The following DNAAF1 variants were observed in gnomAD, a reference collection of about 807,000 sequenced individuals.
The protein encoded by DNAAF1 is dynein assembly factor 1, axonemal.
DNAAF1 carries 65 observed loss-of-function variants against 71.1 expected under a neutral mutation model. That is an observed-to-expected ratio of 0.91 (90% confidence interval 0.75 to 1.12). The LOEUF (loss-of-function observed/expected upper bound fraction) is 1.12. DNAAF1 is among the 50% of genes most tolerant of loss of function. The pLI is 0.00. For synonymous variants in DNAAF1, 414 were observed against 354.6 expected, an observed-to-expected ratio of 1.17 and a Z score of -1.88; for missense variants, 1,178 against 899.8, an observed-to-expected ratio of 1.31 and a Z score of -3.96.
chr16:84,150,961 G>A (rs2087154996), intron 3 of DNAAF1, among the ~76,000 whole-genome samples: 1 of 152,100 alleles, frequency 6.6e-6, no homozygotes, highest in Non-Finnish European at 1.5e-5. Flanking sequence ...AGTACTTTGG[G>A]GTTGGGAGGT....
At position 84,170,065 on chromosome 16, in the gene DNAAF1, G is replaced by C. The variant is rs760066805; in HGVS notation, c.1237G>C (p.Glu413Gln). ...AAGAGAGGATGGAGGTCCAGAGCCA[G>C]AGGGGACCCTCCCAGCTGAGACCCT... ...AKREDGGPEP[E>Q]GTLPAETLLL... Residue 413 changes from glutamate to glutamine, a missense_variant, in exon 8 of 12, where the codon GAG becomes CAG. Transcript: ENST00000378553. 6.2e-7 allele frequency: 1 copy of C among 1,613,640 alleles called. No individual in the cohort carries two copies. Among genetic ancestry groups the C allele is most frequent in the South Asian group, 1.1e-5 (1 of 91,068 alleles).
chr16:84,176,228 G>A lies in DNAAF1; in HGVS notation c.1994G>A (p.Cys665Tyr), dbSNP rs769986363. ...PSGQLLMPPT[C>Y]QRDAAPLTSS... is the part of the protein sequence containing the mutation. ...GGCCAGCTACTGATGCCCCCCACCTGCCAAAGAGATGCTGCACCACTCACT... is the reference window on the plus strand; with the variant it reads ...GGCCAGCTACTGATGCCCCCCACCTACCAAAGAGATGCTGCACCACTCACT... Residue 665 changes from cysteine to tyrosine, a missense_variant, in exon 11 of 12, where the codon TGC (cysteine) becomes TAC (tyrosine). Cys to Tyr is a radical substitution (Grantham distance 194). Coordinates refer to ENST00000378553, the MANE Select transcript of DNAAF1 (RefSeq NM_178452.6). 49 of 1,613,656 alleles carry A rather than the reference G, an allele frequency of 3.0e-5. No homozygotes were observed. Among genetic ancestry groups the A allele is most frequent in the Non-Finnish European group, 4.1e-5 (48 of 1,180,030 alleles).
At chr16:84,171,225 C>T (rs1019738629) in intron 8 of DNAAF1, among the ~76,000 whole-genome samples, 6 of 152,112 alleles carry the variant, frequency 3.9e-5, no homozygotes, top group East Asian at 1.9e-4. Flanking sequence ...TGCTTGAGGC[C>T]GGGAGTTCGA....
chr16:84,152,956 GAA>G (rs112416069), intron 3 of DNAAF1, among the ~76,000 whole-genome samples: 4 of 131,928 alleles, frequency 3.0e-5, no homozygotes, highest in Admixed American at 7.8e-5. Context: ...GACTCCATCT[GAA>G]AAAAAAAAAA....
At chr16:84,164,891 T>C (rs1282573152) in intron 6 of DNAAF1, among the ~76,000 whole-genome samples, 1 of 152,176 alleles carries the variant, frequency 6.6e-6, no homozygotes, top group Admixed American at 6.5e-5. Flanking sequence ...CTAGAACAAG[T>C]GAGCGTTGCC....
intron 7 of DNAAF1, among the ~76,000 whole-genome samples, chr16:84,168,827 T>TACACACACACACACAC (rs55903132): frequency 0.027 from 3,868 of 145,918 alleles, 67 homozygotes; most frequent in African/African-American, 0.03. Flanking sequence ...ATTTGCCACA[T>TACACACACACACACAC]ACACACACAC....
intron 9 of DNAAF1, chr16:84,173,643 G>C (rs923581569): frequency 2.3e-6 from 1 of 429,502 alleles, no homozygotes; most frequent in Non-Finnish European, 3.1e-6. Flanking sequence ...AGACCAGCCT[G>C]GCCAACATGG....
In DNAAF1 at chr16:84,165,928, CAGAG is replaced by C. The variant is rs1567555007; in HGVS notation, c.1016_1019del (p.Glu339ValfsTer7). ...GCAGCGGGCAGAGGAGAGGAAAAGACAGAGAGAGAGTCAAGAGAGAGGTATGCGC... is the reference window on the plus strand; with the variant it reads ...GCAGCGGGCAGAGGAGAGGAAAAGACAGAGAGTCAAGAGAGAGGTATGCGC... On this transcript the variant is annotated frameshift_variant, in exon 7 of 12. Transcript: ENST00000378553. LOFTEE classifies it high-confidence loss of function. 5 of 1,612,542 alleles carry C rather than the reference CAGAG, an allele frequency of 3.1e-6. No homozygotes were observed. The highest frequency in any genetic ancestry group is 1.1e-5 in the South Asian group (1 of 91,042).
At chr16:84,176,688 C>A in intron 11 of DNAAF1, 1 of 345,536 alleles carries the variant, frequency 2.9e-6, no homozygotes, top group Non-Finnish European at 5.7e-6. Context: ...ACCACCAACA[C>A]CACTGCTGGG....
chr16:84,174,949 G>A, intron 10 of DNAAF1: 5 of 503,122 alleles, frequency 9.9e-6, no homozygotes, highest in Non-Finnish European at 1.8e-5. Context: ...TCCACCTCCT[G>A]GGTTCAAGCA....
At chr16:84,150,966 G>C (rs1013142063) in intron 3 of DNAAF1, among the ~76,000 whole-genome samples, 1 of 152,092 alleles carries the variant, frequency 6.6e-6, no homozygotes, top group Non-Finnish European at 1.5e-5. Context: ...TTTGGGGTTG[G>C]GAGGTATATG....
chr16:84,177,501 G>A, intron 11 of DNAAF1: 1 of 468,516 alleles, frequency 2.1e-6, no homozygotes, highest in Non-Finnish European at 4.0e-6. Flanking sequence ...GCTAATCTTT[G>A]TATTTTTAGT....
In DNAAF1 at chr16:84,159,384, T is replaced by G. The variant is rs7196387; in HGVS notation, c.742-291T>G. On this transcript the variant is annotated intron_variant, in intron 5 of 11. Transcript: ENST00000378553. ...GCAAAACTAATATAATCAACTGCAC[T>G]CAGAAAAAGCCTCAGGAAATGTTTT... Among the ~76,000 whole-genome samples, 53,952 of 151,998 alleles carry G rather than the reference T, an allele frequency of 0.35. 9,652 individuals carry two copies. Among genetic ancestry groups the G allele is most frequent in the East Asian group, 0.53 (2,745 of 5,162 alleles).
intron 7 of DNAAF1, among the ~76,000 whole-genome samples, chr16:84,168,084 G>A (rs2151259366): frequency 6.6e-6 from 1 of 152,122 alleles, no homozygotes; most frequent in East Asian, 1.9e-4. Context: ...AGCCCAAAAT[G>A]GGTTTCACTG....
Position 84,175,951 on chromosome 16 carries a change from A to G in DNAAF1, c.1717A>G (p.Ile573Val). ...TAAATAGAATATGTGCTTTCCGAAG[A>G]TTGAGGTCATCTCGAGCTTGAGTGA... is the stretch of plus-strand genomic sequence containing the variant. ...LEDQNMCFPKIEVISSLSDDS... is the reference protein window; with the variant it reads ...LEDQNMCFPKVEVISSLSDDS... The change falls in exon 11 of 12, where the codon ATT (isoleucine) becomes GTT (valine). Residue 573 changes from isoleucine (I) to valine (V), a missense_variant. By Grantham distance (29) the Ile-to-Val change is conservative. Transcript: ENST00000378553. 15 of 1,614,176 alleles carry G rather than the reference A, an allele frequency of 9.3e-6. No homozygotes were observed. Among genetic ancestry groups the G allele is most frequent in the Non-Finnish European group, 1.1e-5 (13 of 1,180,032 alleles).
intron 11 of DNAAF1, chr16:84,177,206 GA>G (rs2088750813): frequency 5.0e-6 from 1 of 201,358 alleles, no homozygotes; most frequent in Non-Finnish European, 1.0e-5. Context: ...AACCAGCACA[GA>G]AAAGTGCAGT....
At chr16:84,177,370 G>A in intron 11 of DNAAF1, 1 of 354,224 alleles carries the variant, frequency 2.8e-6, no homozygotes. Flanking sequence ...CTGCCTCCTA[G>A]GTTCAAGCAA....
At chr16:84,174,902 C>A in intron 10 of DNAAF1, 180 bp downstream of exon 10, 2 of 764,494 alleles carry the variant, frequency 2.6e-6, no homozygotes, top group South Asian at 1.6e-5. Flanking sequence ...GTCACCCAGG[C>A]TGCAGTGCAA....
intron 2 of DNAAF1, 64 bp downstream of exon 2, chr16:84,149,206 CT>C (rs2151206859): frequency 6.3e-7 from 1 of 1,589,746 alleles, no homozygotes; most frequent in East Asian, 2.2e-5. Flanking sequence ...TAATCACCCC[CT>C]TGTACGGATA....
Sources: gnomAD v4.1 joint callset for allele counts (sites outside exome capture counted in the v4.1 genomes callset) on GRCh38, gnomAD v4.1.1 for gene constraint, MANE v1.5 for transcripts, NCBI Gene and HGNC (gene_info 2026-07-23, HGNC 2026-07-21) for gene names.